HSD17B3: variants seen among roughly 807,000 people sequenced by gnomAD.
The protein encoded by HSD17B3 is 17-beta-hydroxysteroid dehydrogenase type 3.
A neutral mutation model predicts 41.1 loss-of-function variants in HSD17B3; 29 were observed. The observed-to-expected ratio is 0.71, with a 90% confidence interval of 0.53 to 0.96. The LOEUF (loss-of-function observed/expected upper bound fraction) is 0.96, where lower values mean the gene tolerates loss of function less well. HSD17B3 is among the 40% of genes least tolerant of loss of function. HSD17B3 has a pLI of 0.00. For synonymous variants in HSD17B3, 126 were observed against 145.6 expected (o/e 0.87, Z 0.97); for missense variants, 323 against 374.6 (o/e 0.86, Z 1.14).
chr9:96,258,086 T>G (rs908887289), intron 2 of HSD17B3, among the ~76,000 whole-genome samples: 1 of 152,228 alleles, frequency 6.6e-6, no homozygotes, highest in East Asian at 1.9e-4. Flanking sequence ...CATTTTCTTA[T>G]CAATTTGTAG....
rs116871008 is a variant in HSD17B3 at position 96,295,818 on chromosome 9, C to T, written c.201+2598G>A. 5.8e-3 allele frequency among the ~76,000 whole-genome samples: 885 copies of T among 152,182 alleles called. 3 individuals carry two copies. The highest frequency in any genetic ancestry group is 7.1e-3 in the Non-Finnish European group (485 of 68,018). ...AGTTGAATGCATTTTTCATATGAAC[C>T]GAATGTTTTGTGGCCCCCCCAAAAT... On this transcript the variant is annotated intron_variant, in intron 2 of 10. Coordinates refer to ENST00000375263, the MANE Select transcript of HSD17B3 (RefSeq NM_000197.2).
chr9:96,266,429 T>C (rs974016777), intron 2 of HSD17B3, among the ~76,000 whole-genome samples: 3 of 152,034 alleles, frequency 2.0e-5, no homozygotes, highest in Non-Finnish European at 4.4e-5. Context: ...TGCACCACCA[T>C]TCCTGGCTAA....
chr9:96,277,956 G>C (rs1191454950), intron 2 of HSD17B3, among the ~76,000 whole-genome samples: 1 of 152,062 alleles, frequency 6.6e-6, no homozygotes, highest in Non-Finnish European at 1.5e-5. Context: ...GGATAAATGA[G>C]GAGATTATGC....
intron 2 of HSD17B3, among the ~76,000 whole-genome samples, chr9:96,273,352 G>A (rs555234604): frequency 6.6e-6 from 1 of 152,122 alleles, no homozygotes; most frequent in Non-Finnish European, 1.5e-5. Context: ...CACAAAAACT[G>A]AGGATGAACA....
At chr9:96,256,503 C>CAAAT (rs567294814) in intron 2 of HSD17B3, among the ~76,000 whole-genome samples, 74 of 151,880 alleles carry the variant, frequency 4.9e-4, no homozygotes, top group South Asian at 2.5e-3. Context: ...TAAAAATAAA[C>CAAAT]AAATAAATAA....
At chr9:96,240,478 T>C (rs1836394389) in intron 10 of HSD17B3, among the ~76,000 whole-genome samples, 1 of 152,140 alleles carries the variant, frequency 6.6e-6, no homozygotes, top group Non-Finnish European at 1.5e-5. Flanking sequence ...GGAAGCGCCA[T>C]ATATCTTGGT....
intron 6 of HSD17B3, among the ~76,000 whole-genome samples, chr9:96,246,936 G>C (rs1176886791): frequency 6.6e-6 from 1 of 152,176 alleles, no homozygotes; most frequent in Non-Finnish European, 1.5e-5. Flanking sequence ...TTCATTCTGT[G>C]GGACAGGCAA....
intron 2 of HSD17B3, among the ~76,000 whole-genome samples, chr9:96,289,361 T>G (rs1827059704): frequency 6.6e-6 from 1 of 152,130 alleles, no homozygotes; most frequent in African/African-American, 2.4e-5. Flanking sequence ...TAAAAATGTT[T>G]TTTCATTTTA....
At chr9:96,282,090 G>A (rs923048606) in intron 2 of HSD17B3, among the ~76,000 whole-genome samples, 3 of 152,160 alleles carry the variant, frequency 2.0e-5, no homozygotes, top group Non-Finnish European at 1.5e-5. Context: ...CTGTAAGCCC[G>A]CTTTTCAAGA....
At chr9:96,270,663 C>T (rs1826206036) in intron 2 of HSD17B3, among the ~76,000 whole-genome samples, 1 of 152,230 alleles carries the variant, frequency 6.6e-6, no homozygotes, top group African/African-American at 2.4e-5. Flanking sequence ...GTGCCATTAC[C>T]TGAAGTTATC....
At chr9:96,284,961 C>T (rs1436225589) in intron 2 of HSD17B3, among the ~76,000 whole-genome samples, 4 of 151,868 alleles carry the variant, frequency 2.6e-5, no homozygotes, top group African/African-American at 9.7e-5. Context: ...GCCTCAGCCT[C>T]CCGAGTAGCT....
intron 2 of HSD17B3, among the ~76,000 whole-genome samples, chr9:96,257,700 AG>A (rs1392210860): frequency 6.6e-6 from 1 of 152,140 alleles, no homozygotes; most frequent in Non-Finnish European, 1.5e-5. Context: ...GGTGTTTTCA[AG>A]TTTTCCTATT....
At chr9:96,264,639 C>T (rs1825986931) in intron 2 of HSD17B3, among the ~76,000 whole-genome samples, 1 of 152,174 alleles carries the variant, frequency 6.6e-6, no homozygotes, top group African/African-American at 2.4e-5. Context: ...TCCCAGAGTG[C>T]TGGGATTATA....
At chr9:96,255,214 T>G (rs2130734035) in intron 2 of HSD17B3, among the ~76,000 whole-genome samples, 1 of 152,206 alleles carries the variant, frequency 6.6e-6, no homozygotes, top group East Asian at 1.9e-4. Context: ...GTGCTTTCCT[T>G]GTCCAGGCCC....
At chr9:96,245,663 G>C (rs1269282651) in intron 7 of HSD17B3, among the ~76,000 whole-genome samples, 3 of 152,160 alleles carry the variant, frequency 2.0e-5, no homozygotes, top group African/African-American at 7.2e-5. Flanking sequence ...GCAGTCATGT[G>C]ACATCATATA....
intron 2 of HSD17B3, among the ~76,000 whole-genome samples, chr9:96,276,486 C>T (rs1826464073): frequency 1.3e-5 from 2 of 152,120 alleles, no homozygotes; most frequent in South Asian, 4.1e-4. Context: ...AAGCATCACA[C>T]TTCTTGACTT....
intron 8 of HSD17B3, 23 bp downstream of exon 8, chr9:96,245,322 T>C (rs1450893312): frequency 1.3e-6 from 2 of 1,566,656 alleles, no homozygotes; most frequent in East Asian, 4.5e-5. Context: ...AGGAAGAGAC[T>C]TGGAAGTCAT....
intron 2 of HSD17B3, among the ~76,000 whole-genome samples, chr9:96,270,159 T>C (rs1371226854): frequency 6.6e-6 from 1 of 152,072 alleles, no homozygotes; most frequent in Admixed American, 6.6e-5. Context: ...AAGCTAGTGA[T>C]AAATGACACA....
intron 2 of HSD17B3, among the ~76,000 whole-genome samples, chr9:96,292,059 C>A (rs1371680793): frequency 6.6e-6 from 1 of 151,672 alleles, no homozygotes; most frequent in Non-Finnish European, 1.5e-5. Context: ...AAGGAAGAAC[C>A]ACATGAAAAT....
Sources: gnomAD v4.1 joint callset for allele counts (sites outside exome capture counted in the v4.1 genomes callset) on GRCh38, gnomAD v4.1.1 for gene constraint, MANE v1.5 for transcripts, NCBI Gene and HGNC (gene_info 2026-07-23, HGNC 2026-07-21) for gene names.